Variants in PIK3R4 observed in about 807,000 individuals in gnomAD.
PIK3R4 encodes the protein phosphoinositide 3-kinase regulatory subunit 4.
PIK3R4 carries 46 observed loss-of-function variants against 136.5 expected under a neutral mutation model. The ratio of observed to expected loss-of-function variants is 0.34; its 90% confidence interval spans 0.27 to 0.43. The LOEUF is 0.43. PIK3R4 is among the 20% of genes least tolerant of loss of function. The pLI is 1.00. For synonymous variants in PIK3R4, 557 were observed against 566.7 expected, an observed-to-expected ratio of 0.98 and a Z score of 0.24; for missense variants, 1,331 against 1,649.5, an observed-to-expected ratio of 0.81 and a Z score of 3.35.
chr3:130,724,625 A>G (rs2066721902), intron 6 of PIK3R4, among the ~76,000 whole-genome samples: 2 of 152,102 alleles, frequency 1.3e-5, no homozygotes, highest in Admixed American at 1.3e-4. Flanking sequence ...AGAGAGACAC[A>G]GGTAAAGAGA....
chr3:130,739,281 T>G (rs1453040275), intron 2 of PIK3R4, among the ~76,000 whole-genome samples: 1 of 152,168 alleles, frequency 6.6e-6, no homozygotes, highest in African/African-American at 2.4e-5. Flanking sequence ...TTTCACCGTG[T>G]TAGCCAAGAT....
chr3:130,741,295 G>T (rs1471639092), intron 2 of PIK3R4, among the ~76,000 whole-genome samples: 1 of 152,184 alleles, frequency 6.6e-6, no homozygotes, highest in African/African-American at 2.4e-5. Flanking sequence ...ACAGCCAGAA[G>T]ATGGCTATCT....
At chr3:130,690,165 A>G (rs967686809) in intron 14 of PIK3R4, among the ~76,000 whole-genome samples, 1 of 152,198 alleles carries the variant, frequency 6.6e-6, no homozygotes, top group African/African-American at 2.4e-5. Context: ...GACAGAAGAT[A>G]TAACTGGTAA....
rs746885985 is a variant in PIK3R4, at chr3:130,684,266, C to T, written c.3591G>A (p.Gln1197=). The stretch of plus-strand genomic sequence containing the variant: ...CCATCTTACCTGCAATCACCCAGGA[C>T]TGATACAGAGGGTGCATTGAGAGGC... ...IRRLSMHPLY[Q]SWVIAAVQGN... The change falls in exon 16 of 20, where the codon CAG becomes CAA. Residue 1197 remains glutamine, a synonymous_variant. Coordinates refer to ENST00000356763, the MANE Select transcript of PIK3R4 (RefSeq NM_014602.3). The T allele has an allele frequency of 3.7e-6, 6 of 1,613,392 alleles. No homozygotes were observed. The highest frequency in any genetic ancestry group is 3.3e-5 in the South Asian group (3 of 91,054).
intron 2 of PIK3R4, among the ~76,000 whole-genome samples, chr3:130,741,163 C>A (rs902945489): frequency 6.6e-6 from 1 of 152,066 alleles, no homozygotes. Flanking sequence ...GTAGGCAGAG[C>A]CTTTAAGGAG....
intron 14 of PIK3R4, among the ~76,000 whole-genome samples, chr3:130,689,729 T>C (rs1003189461): frequency 6.6e-5 from 10 of 152,212 alleles, no homozygotes; most frequent in Admixed American, 4.6e-4. Flanking sequence ...CCTGTTGTCT[T>C]CCCTTTCAAG....
At chr3:130,701,466 C>T (rs1443425566) in intron 13 of PIK3R4, among the ~76,000 whole-genome samples, 5 of 150,548 alleles carry the variant, frequency 3.3e-5, no homozygotes, top group Admixed American at 2.0e-4. Flanking sequence ...GAGCCAGGAT[C>T]GTGCCACTGT....
chr3:130,735,610 T>C (rs2066781784), intron 3 of PIK3R4, among the ~76,000 whole-genome samples: 1 of 152,174 alleles, frequency 6.6e-6, no homozygotes, highest in Non-Finnish European at 1.5e-5. Context: ...CTTCCAAATC[T>C]GTAAAAAGCA....
intron 2 of PIK3R4, among the ~76,000 whole-genome samples, chr3:130,737,794 C>A (rs192780445): frequency 2.0e-5 from 3 of 152,164 alleles, no homozygotes; most frequent in Non-Finnish European, 2.9e-5. Context: ...TAACTCAAAG[C>A]CTATTTCACA....
intron 13 of PIK3R4, among the ~76,000 whole-genome samples, chr3:130,693,223 T>C (rs987371668): frequency 2.0e-5 from 3 of 152,200 alleles, no homozygotes; most frequent in Non-Finnish European, 2.9e-5. Context: ...TTTATCATAA[T>C]TTCCATTTTT....
At chr3:130,698,053 T>C (rs2066556083) in intron 13 of PIK3R4, among the ~76,000 whole-genome samples, 3 of 152,234 alleles carry the variant, frequency 2.0e-5, no homozygotes, top group Non-Finnish European at 4.4e-5. Context: ...GCCTCTATCA[T>C]TTCTGACTTA....
chr3:130,694,805 C>T (rs1416703740), intron 13 of PIK3R4, among the ~76,000 whole-genome samples: 1 of 152,064 alleles, frequency 6.6e-6, no homozygotes, highest in Non-Finnish European at 1.5e-5. Context: ...TGGCTAGAAC[C>T]TCCAGTACAG....
chr3:130,692,782 G>A (rs1373925950), intron 13 of PIK3R4, among the ~76,000 whole-genome samples: 1 of 152,164 alleles, frequency 6.6e-6, no homozygotes, highest in African/African-American at 2.4e-5. Context: ...GGCAGAGATG[G>A]GAGTGCCAAT....
chr3:130,721,916 A>C (rs2066703279), intron 7 of PIK3R4, among the ~76,000 whole-genome samples: 1 of 152,214 alleles, frequency 6.6e-6, no homozygotes, highest in Non-Finnish European at 1.5e-5. Context: ...CTAAAGAAAA[A>C]GAACTATGGA....
At chr3:130,718,119 T>A (rs4682633) in intron 8 of PIK3R4, among the ~76,000 whole-genome samples, 31,330 of 152,148 alleles carry the variant, frequency 0.21, 3,488 homozygotes, top group South Asian at 0.36. Flanking sequence ...CTTTTAACAG[T>A]TGCTTTATAA....
intron 7 of PIK3R4, among the ~76,000 whole-genome samples, chr3:130,721,604 T>C (rs2066701374): frequency 6.6e-6 from 1 of 152,124 alleles, no homozygotes; most frequent in Non-Finnish European, 1.5e-5. Context: ...CAGATGAACC[T>C]GGAGAACATT....
chr3:130,713,556 A>C (rs529773434), intron 9 of PIK3R4, among the ~76,000 whole-genome samples: 1 of 152,280 alleles, frequency 6.6e-6, no homozygotes, highest in South Asian at 2.1e-4. Flanking sequence ...CCTTCCTTTT[A>C]CCCATGGCAG....
chr3:130,703,079 A>C (rs58055409), intron 13 of PIK3R4, among the ~76,000 whole-genome samples: 3,191 of 152,262 alleles, frequency 0.021, 58 homozygotes, highest in Middle Eastern at 0.065. Flanking sequence ...TATTCTCAAC[A>C]TAACAGCCAG....
intron 2 of PIK3R4, among the ~76,000 whole-genome samples, chr3:130,743,960 ACTACT>A (rs1368661277): frequency 6.6e-6 from 1 of 152,204 alleles, no homozygotes; most frequent in Non-Finnish European, 1.5e-5. Context: ...CCTGAAACAA[ACTACT>A]CTACGAAAGT....
Sources: gnomAD v4.1 joint callset for allele counts (sites outside exome capture counted in the v4.1 genomes callset) on GRCh38, gnomAD v4.1.1 for gene constraint, MANE v1.5 for transcripts, NCBI Gene and HGNC (gene_info 2026-07-23, HGNC 2026-07-21) for gene names.